Variants in DACH2 observed in about 807,000 individuals in gnomAD.
DACH2 encodes dachshund family transcription factor 2, also known as dachshund homolog 2.
Under a neutral mutation model 35.8 loss-of-function variants are expected in DACH2, and 17 were observed. That is an observed-to-expected ratio of 0.48 (90% CI 0.33 to 0.71). The LOEUF is 0.71. Among genes scored for constraint, DACH2 ranks in the 30% least tolerant of loss-of-function variants. The probability of loss-of-function intolerance (pLI) is 0.02; values close to 1 mark genes in which losing one functional copy is unlikely to be tolerated. For synonymous variants in DACH2, 195 were observed against 177.3 expected, an observed-to-expected ratio of 1.10 and a Z score of -0.79; for missense variants, 469 against 472.7, an observed-to-expected ratio of 0.99 and a Z score of 0.07.
chrX:86,263,978 T>G (rs1395444358), intron 1 of DACH2, among the ~76,000 whole-genome samples: 1 of 112,371 alleles, frequency 8.9e-6, no homozygotes, highest in Non-Finnish European at 1.9e-5. Context: ...TGATTGTTAG[T>G]TACATGCCAA....
At chrX:86,487,491 G>C (rs779118778) in intron 2 of DACH2, among the ~76,000 whole-genome samples, 27 of 111,758 alleles carry the variant, frequency 2.4e-4, no homozygotes, top group African/African-American at 8.7e-4. Context: ...CACCAGCTAG[G>C]TGGTCAGTAA....
At chrX:86,300,672 A>G (rs1023829756) in intron 1 of DACH2, among the ~76,000 whole-genome samples, 3 of 111,826 alleles carry the variant, frequency 2.7e-5, no homozygotes, top group Admixed American at 9.6e-5. Context: ...GTACCCTAAA[A>G]CTTAAAGTAT....
intron 7 of DACH2, among the ~76,000 whole-genome samples, chrX:86,777,413 G>T (rs1321290189): frequency 9.0e-6 from 1 of 110,906 alleles, no homozygotes. Context: ...AAAATCCCTA[G>T]AGAAGAGGGT....
At chrX:86,768,042 GAGTT>G (rs888634555) in intron 7 of DACH2, among the ~76,000 whole-genome samples, 1 of 111,587 alleles carries the variant, frequency 9.0e-6, no homozygotes, top group African/African-American at 3.3e-5. Flanking sequence ...CAGCTATAGA[GAGTT>G]AGTAAGATTC....
At chrX:86,581,407 C>T (rs1266649656) in intron 3 of DACH2, among the ~76,000 whole-genome samples, 2 of 93,279 alleles carry the variant, frequency 2.1e-5, no homozygotes, top group African/African-American at 1.0e-4. Context: ...CTAAATGCTC[C>T]AGCTAAAAGG....
At chrX:86,158,508 T>A (rs2030633490) in intron 1 of DACH2, among the ~76,000 whole-genome samples, 1 of 105,752 alleles carries the variant, frequency 9.5e-6, no homozygotes, top group Non-Finnish European at 1.9e-5. Flanking sequence ...TTAGATTTGT[T>A]ATGATAGCCT....
intron 1 of DACH2, among the ~76,000 whole-genome samples, chrX:86,299,008 T>C (rs2034521942): frequency 8.9e-6 from 1 of 112,204 alleles, no homozygotes; most frequent in Non-Finnish European, 1.9e-5. Context: ...GTATTGTCTT[T>C]GTTCAGTCCA....
At chrX:86,156,605 C>A (rs1416871137) in intron 1 of DACH2, among the ~76,000 whole-genome samples, 1 of 111,219 alleles carries the variant, frequency 9.0e-6, no homozygotes, top group African/African-American at 3.3e-5. Flanking sequence ...AGTATGACTT[C>A]TTGATATTTC....
intron 1 of DACH2, among the ~76,000 whole-genome samples, chrX:86,190,439 G>A (rs2031798071): frequency 9.0e-6 from 1 of 111,464 alleles, no homozygotes; most frequent in African/African-American, 3.3e-5. Flanking sequence ...CAATTTTCCT[G>A]AATCAAGGTG....
chrX:86,349,866 T>G (rs1001207986), intron 1 of DACH2, among the ~76,000 whole-genome samples: 3 of 112,026 alleles, frequency 2.7e-5, no homozygotes, highest in African/African-American at 6.5e-5. Context: ...TAGATTTATT[T>G]ACACTACAGT....
intron 3 of DACH2, among the ~76,000 whole-genome samples, chrX:86,592,327 G>A (rs2039658023): frequency 9.0e-6 from 1 of 111,624 alleles, no homozygotes; most frequent in Admixed American, 9.5e-5. Flanking sequence ...GACTATATTT[G>A]TGTGGGTCTA....
intron 1 of DACH2, among the ~76,000 whole-genome samples, chrX:86,299,914 T>G (rs1417232275): frequency 8.9e-6 from 1 of 111,839 alleles, no homozygotes; most frequent in Non-Finnish European, 1.9e-5. Flanking sequence ...AAATTTTTTA[T>G]TGGTACATGA....
intron 1 of DACH2, among the ~76,000 whole-genome samples, chrX:86,374,473 G>A (rs2035934885): frequency 9.0e-6 from 1 of 110,667 alleles, no homozygotes; most frequent in Non-Finnish European, 1.9e-5. Context: ...GATGATGATT[G>A]GAACTAGTGA....
intron 2 of DACH2, among the ~76,000 whole-genome samples, chrX:86,505,816 T>A (rs184797378): frequency 2.7e-5 from 3 of 111,941 alleles, no homozygotes; most frequent in East Asian, 5.6e-4. Flanking sequence ...AACAGACAGA[T>A]TAGAAAGTGA....
chrX:86,254,805 T>TAG (rs1265976523), intron 1 of DACH2, among the ~76,000 whole-genome samples: 70 of 60,777 alleles, frequency 1.2e-3, no homozygotes, highest in East Asian at 4.2e-3. Flanking sequence ...TATATATATA[T>TAG]ATAGAGAGAG....
chrX:86,303,098 C>T lies in DACH2; in HGVS notation c.489-73726C>T, dbSNP rs551475649. On this transcript the variant is annotated intron_variant, in intron 1 of 11. Coordinates refer to ENST00000373125, the MANE Select transcript of DACH2 (RefSeq NM_053281.3). ...TGTGGAGGTGGGATTCAAACGCAGACATTGTGGCCCCATAGTCCATGTTCT... is the reference window on the plus strand; with the variant it reads ...TGTGGAGGTGGGATTCAAACGCAGATATTGTGGCCCCATAGTCCATGTTCT... Among the ~76,000 whole-genome samples, 7 of 102,954 alleles carry T rather than the reference C, an allele frequency of 6.8e-5. No individual in the cohort carries two copies. The South Asian group carries it at 3.3e-3, about 49-fold the overall frequency. 89.4% of individuals were successfully genotyped at this position (102,954 alleles called of 115,157 possible). A position where few individuals can be genotyped will look rare whatever the true frequency, so the allele number is the denominator to read the frequency against.
chrX:86,759,576 A>ATTT (rs1457289372), intron 7 of DACH2, among the ~76,000 whole-genome samples: 555 of 93,726 alleles, frequency 5.9e-3, no homozygotes, highest in Middle Eastern at 0.012. Flanking sequence ...TTTTTTTTTA[A>ATTT]AAATCCATTC....
intron 2 of DACH2, among the ~76,000 whole-genome samples, chrX:86,438,380 C>T (rs185721272): frequency 4.4e-4 from 48 of 109,869 alleles, no homozygotes; most frequent in African/African-American, 1.4e-3. Context: ...CCTGCCATCA[C>T]GCCCGGCTAA....
At chrX:86,456,433 T>C (rs373386270) in intron 2 of DACH2, among the ~76,000 whole-genome samples, 2 of 112,102 alleles carry the variant, frequency 1.8e-5, no homozygotes, top group African/African-American at 6.5e-5. Context: ...ATTTTTGAAA[T>C]AACACTATAT....
Sources: gnomAD v4.1 joint callset for allele counts (sites outside exome capture counted in the v4.1 genomes callset) on GRCh38, gnomAD v4.1.1 for gene constraint, MANE v1.5 for transcripts, NCBI Gene and HGNC (gene_info 2026-07-23, HGNC 2026-07-21) for gene names.